The following RUVBL1 variants were observed in gnomAD, a reference collection of about 807,000 sequenced individuals.
RUVBL1 encodes ruvB-like 1.
RUVBL1 carries 4 observed loss-of-function variants against 52.4 expected under a neutral mutation model. The observed-to-expected ratio is 0.08, with a 90% CI of 0.04 to 0.17. The LOEUF is 0.17. Ranked by LOEUF, RUVBL1 falls within the 10% of genes least tolerant of loss-of-function variation. The pLI is 1.00. For synonymous variants in RUVBL1, 217 were observed against 214.4 expected, an observed-to-expected ratio of 1.01 and a Z score of -0.10; for missense variants, 298 against 572.8, an observed-to-expected ratio of 0.52 and a Z score of 4.90.
chr3:128,134,460 A>C (rs1943922780), intron 1 of RUVBL1, among the ~76,000 whole-genome samples: 1 of 13,808 alleles, frequency 7.2e-5, no homozygotes, highest in South Asian at 1.4e-3. Flanking sequence ...GAAACTGTCA[A>C]AAAAAAAAAA....
At chr3:128,091,145 CAA>C (rs2107680103) in intron 8 of RUVBL1, among the ~76,000 whole-genome samples, 1 of 152,338 alleles carries the variant, frequency 6.6e-6, no homozygotes, top group African/African-American at 2.4e-5. Flanking sequence ...GAGATTTGTC[CAA>C]GCTATGAATC....
intron 1 of RUVBL1, among the ~76,000 whole-genome samples, chr3:128,130,979 C>G (rs1231775583): frequency 6.6e-6 from 1 of 151,818 alleles, no homozygotes; most frequent in Admixed American, 6.6e-5. Flanking sequence ...ATTTGCCAGG[C>G]ATGATTGTGC....
chr3:128,072,372 G>A lies in RUVBL1; in HGVS notation c.940-7152C>T, dbSNP rs1304457312. Among the ~76,000 whole-genome samples, 5 of 152,322 alleles carry A rather than the reference G, an allele frequency of 3.3e-5. No homozygotes were observed. In the East Asian group the frequency reaches 9.7e-4, roughly 29 times the overall value. On this transcript the variant is annotated intron_variant, in intron 9 of 9. Transcript: ENST00000464873. ...GCAGGCCTGACCAGGGCTGTGGGAG[G>A]TCGTTACTCCTTAGCTGGGCTCCAG...
rs991651994 is a variant in RUVBL1, at chr3:128,067,182, A to G, written c.940-1962T>C. 3 of 1,591,958 alleles carry G rather than the reference A, an allele frequency of 1.9e-6. No homozygotes were observed. The highest frequency in any genetic ancestry group is 1.7e-6 in the Non-Finnish European group (2 of 1,159,960). The stretch of plus-strand genomic sequence containing the variant: ...TAGGCTCTTTGAAGATGAGCTAGCA[A>G]TGCAGCTAAGTTGCAGTGGTTTCTA... On this transcript the variant is annotated intron_variant, in intron 9 of 9. Coordinates refer to the RUVBL1 transcript ENST00000464873. The surrounding 1 kb of genome is among the most constrained non-coding windows in gnomAD (Gnocchi z 4.1).
intron 9 of RUVBL1, chr3:128,075,353 G>A (rs1283988452): frequency 6.6e-6 from 1 of 152,278 alleles, no homozygotes; most frequent in Non-Finnish European, 1.5e-5. Flanking sequence ...CATCTCTAGA[G>A]GAACACACCG....
At chr3:128,150,807 CTATATAT>C (rs1237898283) in intron 1 of RUVBL1, among the ~76,000 whole-genome samples, 2 of 85,054 alleles carry the variant, frequency 2.4e-5, no homozygotes, top group Non-Finnish European at 4.2e-5. Flanking sequence ...ATTATATATT[CTATATAT>C]TATATATTCT....
At chr3:128,146,269 GGTGTGTGTAT>G (rs571826433) in intron 1 of RUVBL1, among the ~76,000 whole-genome samples, 26 of 152,102 alleles carry the variant, frequency 1.7e-4, no homozygotes, top group African/African-American at 2.7e-4. Context: ...AAGGTAGCAT[GGTGTGTGTAT>G]GTGTGTGTAT....
Position 128,150,892 on chromosome 3 carries a change from C to CTATATAT in RUVBL1, c.-40+2304_-40+2310dup, listed in dbSNP as rs1559841605. ...TATATATATATTCTATATATATATTCTATATATATAATATAATATTCTATA... is the reference window on the plus strand; with the variant it reads ...TATATATATATTCTATATATATATTCTATATATTATATATATAATATAATATTCTATA... On this transcript the variant is annotated intron_variant, in intron 1 of 9. Transcript: ENST00000464873. Among the ~76,000 whole-genome samples the CTATATAT allele has an allele frequency of 4.3e-3, 247 of 57,826 alleles. 4 individuals are homozygous for CTATATAT. Among genetic ancestry groups the CTATATAT allele is most frequent in the African/African-American group, 0.018 (223 of 12,360 alleles). 37.9% of individuals were successfully genotyped at this position (57,826 alleles called of 152,430 possible).
At chr3:128,153,857 G>A in exon 1 of RUVBL1, 3 of 1,466,584 alleles carry the variant, frequency 2.0e-6, no homozygotes, top group East Asian at 2.7e-5. Context: ...CCGGGCTCAG[G>A]GACGCGGGCG....
At chr3:128,145,355 G>A (rs1944086944) in intron 1 of RUVBL1, among the ~76,000 whole-genome samples, 2 of 152,206 alleles carry the variant, frequency 1.3e-5, no homozygotes, top group Non-Finnish European at 2.9e-5. Flanking sequence ...CACAAGCAGT[G>A]TCTGTGCTTT....
chr3:128,068,376 C>T (rs1559799522), intron 9 of RUVBL1, among the ~76,000 whole-genome samples: 1 of 152,176 alleles, frequency 6.6e-6, no homozygotes, highest in Non-Finnish European at 1.5e-5. Context: ...GGACCCTCAC[C>T]CTGGCTCATG....
chr3:128,153,774 G>A, exon 1 of RUVBL1: 3 of 1,536,996 alleles, frequency 2.0e-6, no homozygotes, highest in African/African-American at 2.8e-5. Flanking sequence ...TTCAGGTCAC[G>A]CTGGTCGACT....
chr3:128,128,040 A>G (rs947362117), upstream of RUVBL1, among the ~76,000 whole-genome samples: 2 of 152,218 alleles, frequency 1.3e-5, no homozygotes, highest in African/African-American at 2.4e-5. Context: ...ACATACATAC[A>G]TACATACATA....
At chr3:128,065,448 TA>T (rs1332063683) in intron 9 of RUVBL1, among the ~76,000 whole-genome samples, 1 of 152,248 alleles carries the variant, frequency 6.6e-6, no homozygotes, top group Non-Finnish European at 1.5e-5. Context: ...GTCTTACCTT[TA>T]AAAGTATTCC....
At chr3:128,117,120 A>G (rs866891043) in intron 2 of RUVBL1, among the ~76,000 whole-genome samples, 1 of 152,184 alleles carries the variant, frequency 6.6e-6, no homozygotes, top group Non-Finnish European at 1.5e-5. Context: ...GTAGGTTCCA[A>G]ACTTTTCAAA....
chr3:128,152,609 CA>C (rs1163312629), intron 1 of RUVBL1, among the ~76,000 whole-genome samples: 226 of 152,330 alleles, frequency 1.5e-3, no homozygotes, highest in African/African-American at 5.0e-3. Flanking sequence ...CAGCGGAACC[CA>C]CCAGGCACTT....
In RUVBL1 at chr3:128,068,011, T is replaced by C. The variant is rs1164727761; in HGVS notation, c.940-2791A>G. 2 of 1,611,500 alleles carry C rather than the reference T, an allele frequency of 1.2e-6. No individual in the cohort carries two copies. Among genetic ancestry groups the C allele is most frequent in the Non-Finnish European group, 1.7e-6 (2 of 1,178,978 alleles). The stretch of plus-strand genomic sequence containing the variant: ...GCAAAGCAGCTGAAGGAGCAGCAGA[T>C]GGTGATGAGAGGCCACCGAGAGACC... On this transcript the variant is annotated intron_variant, in intron 9 of 9. Transcript: ENST00000464873.
chr3:128,105,349 T>C (rs1438034695), intron 3 of RUVBL1, among the ~76,000 whole-genome samples: 1 of 151,932 alleles, frequency 6.6e-6, no homozygotes, highest in Non-Finnish European at 1.5e-5. Flanking sequence ...CTTGATCTCC[T>C]GACCTCATGA....
chr3:128,103,832 G>C (rs1175258296), intron 4 of RUVBL1, among the ~76,000 whole-genome samples: 1 of 152,168 alleles, frequency 6.6e-6, no homozygotes, highest in Non-Finnish European at 1.5e-5. Context: ...ATAAATGTTT[G>C]TTGAAGCACT....
Sources: allele counts gnomAD v4.1 joint callset (sites outside exome capture counted in the v4.1 genomes callset), GRCh38; gene constraint gnomAD v4.1.1; non-coding constraint Gnocchi (gnomAD v3.1); transcripts MANE v1.5; gene names NCBI Gene and HGNC (gene_info 2026-07-23, HGNC 2026-07-21).